Variants in ZNF735 observed in about 807,000 individuals in gnomAD.
The protein encoded by ZNF735 is putative zinc finger protein 735.
A neutral mutation model predicts 13.4 loss-of-function variants in ZNF735; 11 were observed. The observed-to-expected ratio is 0.82, with a 90% confidence interval of 0.52 to 1.36. The LOEUF (loss-of-function observed/expected upper bound fraction) is 1.36. ZNF735 is among the 40% of genes most tolerant of loss of function. The pLI is 0.00. For missense variants in ZNF735, 500 were observed against 484.6 expected (o/e 1.03, Z -0.30); for synonymous variants, 171 against 162.6 (o/e 1.05, Z -0.39).
At chr7:64,214,442 T>A (rs1456411270) in intron 3 of ZNF735, among the ~76,000 whole-genome samples, 1 of 152,068 alleles carries the variant, frequency 6.6e-6, no homozygotes, top group Non-Finnish European at 1.5e-5. Flanking sequence ...AATATCTGCA[T>A]ATTTTTGAGA....
chr7:64,220,180 G>A (rs1362985958), exon 4 of ZNF735: 1 of 1,612,998 alleles, frequency 6.2e-7, no homozygotes, highest in Non-Finnish European at 8.5e-7. Flanking sequence ...AATTCATACT[G>A]GAGAGAAACC....
At chr7:64,207,503 C>A (rs1381775310) in intron 1 of ZNF735, among the ~76,000 whole-genome samples, 1 of 152,186 alleles carries the variant, frequency 6.6e-6, no homozygotes, top group Non-Finnish European at 1.5e-5. Context: ...CTCTGCACTC[C>A]CAGCGCCTCA....
intron 3 of ZNF735, among the ~76,000 whole-genome samples, chr7:64,216,769 G>A (rs1787426791): frequency 6.6e-6 from 1 of 151,968 alleles, no homozygotes; most frequent in African/African-American, 2.4e-5. Context: ...ACCATACCCA[G>A]CTAATTCTCA....
chr7:64,209,270 A>T (rs1263734044), intron 1 of ZNF735, among the ~76,000 whole-genome samples: 1 of 146,144 alleles, frequency 6.8e-6, no homozygotes, highest in African/African-American at 2.5e-5. Context: ...TTTTATTTGA[A>T]TTATTTCTTT....
intron 1 of ZNF735, among the ~76,000 whole-genome samples, chr7:64,209,229 T>C (rs1207969396): frequency 1.9e-5 from 1 of 52,304 alleles, no homozygotes; most frequent in East Asian, 4.0e-4. Flanking sequence ...ATCTGTTCCG[T>C]TTTTTTTTTT....
chr7:64,215,420 A>G (rs1385909851), intron 3 of ZNF735, among the ~76,000 whole-genome samples: 1 of 151,994 alleles, frequency 6.6e-6, no homozygotes, highest in Non-Finnish European at 1.5e-5. Context: ...AGTCGTTTAT[A>G]TATTTTCAAT....
At chr7:64,211,830 C>T (rs1462529266) in intron 1 of ZNF735, among the ~76,000 whole-genome samples, 1 of 149,804 alleles carries the variant, frequency 6.7e-6, no homozygotes, top group Non-Finnish European at 1.5e-5. Context: ...TGCACCATTA[C>T]ACTCTAGCCT....
intron 1 of ZNF735, among the ~76,000 whole-genome samples, chr7:64,208,285 T>G (rs1311329775): frequency 9.0e-6 from 1 of 111,176 alleles, no homozygotes; most frequent in Admixed American, 1.2e-4. Context: ...GGAGAGGGAG[T>G]CTCACTCTGT....
intron 1 of ZNF735, among the ~76,000 whole-genome samples, chr7:64,211,381 C>T (rs756401543): frequency 2.0e-5 from 3 of 152,126 alleles, no homozygotes; most frequent in Admixed American, 6.6e-5. Flanking sequence ...TAGTTCCATG[C>T]AGAACAGGGT....
chr7:64,213,513 C>A (rs1176163633), intron 2 of ZNF735, among the ~76,000 whole-genome samples: 1 of 152,084 alleles, frequency 6.6e-6, no homozygotes, highest in Non-Finnish European at 1.5e-5. Context: ...ATGTTTGATT[C>A]AGTAGTACTG....
At chr7:64,211,890 AAT>A (rs34863437) in intron 1 of ZNF735, among the ~76,000 whole-genome samples, 36,117 of 96,258 alleles carry the variant, frequency 0.38, 4,540 homozygotes, top group East Asian at 0.49. Context: ...AAAGAAAAAA[AAT>A]ATATATATAT....
intron 1 of ZNF735, among the ~76,000 whole-genome samples, chr7:64,207,965 C>T (rs1365941202): frequency 6.6e-6 from 1 of 150,426 alleles, no homozygotes; most frequent in Non-Finnish European, 1.5e-5. Flanking sequence ...CCAGCCTGGG[C>T]GACAAAGCAA....
At chr7:64,219,864 T>G (rs780947860) in exon 4 of ZNF735, 1 of 1,613,888 alleles carries the variant, frequency 6.2e-7, no homozygotes, top group Non-Finnish European at 8.5e-7. Flanking sequence ...CCTACGCATG[T>G]GAAGAATGTG....
At chr7:64,207,986 C>CTGA (rs1787309519) in intron 1 of ZNF735, among the ~76,000 whole-genome samples, 1 of 142,996 alleles carries the variant, frequency 7.0e-6, no homozygotes, top group Non-Finnish European at 1.5e-5. Flanking sequence ...GACTCCACCT[C>CTGA]AAAAAAAAAA....
At chr7:64,220,206 A>T in exon 4 of ZNF735, 1 of 1,613,164 alleles carries the variant, frequency 6.2e-7, no homozygotes, top group Non-Finnish European at 8.5e-7. Flanking sequence ...AATGTGAAGA[A>T]TGTGACAAAG....
At chr7:64,210,289 A>T (rs781228833) in intron 1 of ZNF735, among the ~76,000 whole-genome samples, 43 of 152,164 alleles carry the variant, frequency 2.8e-4, no homozygotes, top group Non-Finnish European at 5.7e-4. Context: ...AGCCAACAAA[A>T]AAATATAGCA....
chr7:64,209,560 C>T (rs1787333044), intron 1 of ZNF735, among the ~76,000 whole-genome samples: 2 of 151,808 alleles, frequency 1.3e-5, no homozygotes, highest in African/African-American at 4.8e-5. Context: ...CTCCTGACCT[C>T]GTGATTTGCC....
chr7:64,214,280 C>A (rs1302802062), intron 3 of ZNF735, among the ~76,000 whole-genome samples, 172 bp downstream of exon 3: 1 of 151,966 alleles, frequency 6.6e-6, no homozygotes, highest in East Asian at 1.9e-4. Flanking sequence ...CACATTGGGA[C>A]ACCTTCTGCC....
At chr7:64,209,425 C>T (rs1248853515) in intron 1 of ZNF735, among the ~76,000 whole-genome samples, 2 of 151,520 alleles carry the variant, frequency 1.3e-5, no homozygotes, top group African/African-American at 2.4e-5. Context: ...CGGCTCACTG[C>T]AACCTTCGCC....
Sources: gnomAD v4.1 joint callset for allele counts (sites outside exome capture counted in the v4.1 genomes callset) on GRCh38, gnomAD v4.1.1 for gene constraint, MANE v1.5 for transcripts, NCBI Gene and HGNC (gene_info 2026-07-23, HGNC 2026-07-21) for gene names.